MACROD2: variants seen among roughly 807,000 people sequenced by gnomAD.
MACROD2 encodes the protein ADP-ribose glycohydrolase MACROD2.
Under a neutral mutation model 70.4 loss-of-function variants are expected in MACROD2, and 36 were observed. The observed-to-expected ratio is 0.51, with a 90% confidence interval of 0.39 to 0.68. The LOEUF is 0.68. MACROD2 is among the 30% of genes least tolerant of loss of function. MACROD2 has a pLI of 0.00. For synonymous variants in MACROD2, 172 were observed against 178.8 expected (o/e 0.96, Z 0.30); for missense variants, 496 against 538.4 (o/e 0.92, Z 0.78).
At chr20:15,027,383 G>A (rs17270636) in intron 5 of MACROD2, among the ~76,000 whole-genome samples, 6,198 of 152,178 alleles carry the variant, frequency 0.041, 169 homozygotes, top group Non-Finnish European at 0.058. Flanking sequence ...TCCTAAGTCT[G>A]TGAAACAGCT....
chr20:14,089,180 G>T (rs1234437364), intron 3 of MACROD2, among the ~76,000 whole-genome samples: 1 of 152,154 alleles, frequency 6.6e-6, no homozygotes, highest in Non-Finnish European at 1.5e-5. Flanking sequence ...GCCATGTTTT[G>T]CATCTCACAA....
At chr20:14,658,579 A>G (rs905901556) in intron 4 of MACROD2, among the ~76,000 whole-genome samples, 4 of 152,098 alleles carry the variant, frequency 2.6e-5, no homozygotes, top group African/African-American at 4.8e-5. Flanking sequence ...GAAGTTACCT[A>G]TGGCTAATAT....
chr20:15,171,923 A>G (rs912160776), intron 5 of MACROD2, among the ~76,000 whole-genome samples: 4 of 152,236 alleles, frequency 2.6e-5, no homozygotes, highest in African/African-American at 9.6e-5. Flanking sequence ...AATACCTTGC[A>G]CATGGAAGGT....
At position 14,625,384 on chromosome 20, in the gene MACROD2, A is replaced by G. The variant is rs1488869163; in HGVS notation, c.302-59459A>G. Among the ~76,000 whole-genome samples, 5 of 152,112 alleles carry G rather than the reference A, an allele frequency of 3.3e-5. No individual in the cohort carries two copies. The East Asian group carries it at 5.8e-4, about 18-fold the overall frequency. The stretch of plus-strand genomic sequence containing the variant: ...AATGAGGGGGTATAGGAAGTGGTAT[A>G]TAGATGGACCTATTGAATGGTCATG... On this transcript the variant is annotated intron_variant, in intron 4 of 17. Transcript: ENST00000684519.
chr20:14,706,296 G>C (rs2071269727), intron 5 of MACROD2, among the ~76,000 whole-genome samples: 1 of 149,368 alleles, frequency 6.7e-6, no homozygotes, highest in Non-Finnish European at 1.5e-5. Flanking sequence ...CCTGGTGACA[G>C]AGCAAGATTC....
At chr20:15,085,188 G>A (rs1441372896) in intron 5 of MACROD2, among the ~76,000 whole-genome samples, 1 of 152,016 alleles carries the variant, frequency 6.6e-6, no homozygotes, top group Non-Finnish European at 1.5e-5. Context: ...GTATCCTCAA[G>A]GAAAAGAATG....
chr20:16,018,505 A>G (rs963311870), intron 15 of MACROD2, among the ~76,000 whole-genome samples: 1 of 152,030 alleles, frequency 6.6e-6, no homozygotes, highest in African/African-American at 2.4e-5. Flanking sequence ...CTTATCTCCT[A>G]CTTTGCTGAG....
At chr20:14,324,292 A>G (rs1247072929) in intron 3 of MACROD2, 4 of 2,724 alleles carry the variant, frequency 1.5e-3, no homozygotes, top group East Asian at 9.7e-3. Context: ...TTTTTGTTGA[A>G]AAAAAAAAAA....
intron 8 of MACROD2, among the ~76,000 whole-genome samples, chr20:15,586,991 A>G (rs367893465): frequency 3.8e-4 from 58 of 152,342 alleles, no homozygotes; most frequent in African/African-American, 1.3e-3. Context: ...AACTTCATAC[A>G]TGTTGCTTTC....
rs555325763 is a variant in MACROD2, at chr20:15,678,398, A to C, written c.645+178551A>C. The stretch of plus-strand genomic sequence containing the variant: ...TTTTTGAGACGGAGTCTCGCTCTGT[A>C]GCCCAGGCTGGAGTGCAGTGGCATG... On this transcript the variant is annotated intron_variant, in intron 8 of 17. Coordinates refer to ENST00000684519, the MANE Select transcript of MACROD2 (RefSeq NM_001351661.2). 1.0e-3 allele frequency among the ~76,000 whole-genome samples: 157 copies of C among 149,918 alleles called. 2 individuals carry two copies. The highest frequency in any genetic ancestry group is 1.7e-3 in the Admixed American group (25 of 15,030).
chr20:14,634,958 A>T (rs1187693282), intron 4 of MACROD2, among the ~76,000 whole-genome samples: 1 of 152,122 alleles, frequency 6.6e-6, no homozygotes, highest in Non-Finnish European at 1.5e-5. Flanking sequence ...CTTTTGTTCT[A>T]GTCTTCTTTG....
At chr20:15,813,172 A>G (rs184890732) in intron 8 of MACROD2, among the ~76,000 whole-genome samples, 14 of 152,318 alleles carry the variant, frequency 9.2e-5, no homozygotes, top group African/African-American at 3.1e-4. Context: ...AAGCAAATTT[A>G]TAGAAACCCA....
intron 15 of MACROD2, among the ~76,000 whole-genome samples, chr20:16,034,269 T>G (rs1461944017): frequency 6.6e-6 from 1 of 152,026 alleles, no homozygotes; most frequent in African/African-American, 2.4e-5. Flanking sequence ...GAAAGCATCA[T>G]TACGGTATAG....
chr20:14,434,708 C>G, intron 3 of MACROD2, among the ~76,000 whole-genome samples: 1 of 152,060 alleles, frequency 6.6e-6, no homozygotes, highest in African/African-American at 2.4e-5. Context: ...CAAAATAACT[C>G]TCTTGACTCT....
intron 3 of MACROD2, among the ~76,000 whole-genome samples, chr20:14,476,558 T>C (rs753277619): frequency 6.6e-6 from 1 of 152,156 alleles, no homozygotes; most frequent in East Asian, 1.9e-4. Flanking sequence ...GGTTTCACTA[T>C]GTTGGCCAGG....
chr20:14,870,664 T>C (rs1461590242), intron 5 of MACROD2, among the ~76,000 whole-genome samples: 2 of 152,152 alleles, frequency 1.3e-5, no homozygotes, highest in East Asian at 1.9e-4. Flanking sequence ...ATGTATCTTA[T>C]TGTGGTTTTA....
intron 5 of MACROD2, among the ~76,000 whole-genome samples, chr20:15,143,795 T>G (rs1406671497): frequency 4.0e-5 from 6 of 151,888 alleles, no homozygotes; most frequent in Non-Finnish European, 8.8e-5. Context: ...TTTTGATGAA[T>G]CATATTCTCG....
intron 8 of MACROD2, among the ~76,000 whole-genome samples, chr20:15,711,394 T>G (rs186093752): frequency 6.6e-6 from 1 of 152,362 alleles, no homozygotes; most frequent in East Asian, 1.9e-4. Context: ...TGTCCGTGAC[T>G]CACTTCTCAG....
chr20:14,191,202 C>G (rs1408859999), intron 3 of MACROD2, among the ~76,000 whole-genome samples: 1 of 152,096 alleles, frequency 6.6e-6, no homozygotes, highest in East Asian at 1.9e-4. Flanking sequence ...ATATTTTTTA[C>G]TCCTGTTGCC....
Sources: allele counts gnomAD v4.1 joint callset (sites outside exome capture counted in the v4.1 genomes callset), GRCh38; gene constraint gnomAD v4.1.1; transcripts MANE v1.5; gene names NCBI Gene and HGNC (gene_info 2026-07-23, HGNC 2026-07-21).